GLCE: variants seen among roughly 807,000 people sequenced by gnomAD.
GLCE encodes the protein glucuronic acid epimerase, also known as D-glucuronyl C5-epimerase.
In GLCE, 19 loss-of-function variants were observed where a neutral mutation model predicts 47.9. That is an observed-to-expected ratio of 0.40 (90% CI 0.28 to 0.58). The LOEUF is 0.58. Ranked by LOEUF, GLCE falls within the 20% of genes least tolerant of loss-of-function variation. The pLI, the probability that GLCE is intolerant of heterozygous loss-of-function variation, is 0.48. For missense variants in GLCE, 556 were observed against 743.3 expected (o/e 0.75, Z 2.93); for synonymous variants, 245 against 263.4 (o/e 0.93, Z 0.68).
intron 1 of GLCE, among the ~76,000 whole-genome samples, chr15:69,173,716 T>C (rs2051620507): frequency 6.6e-6 from 1 of 152,226 alleles, no homozygotes; most frequent in Non-Finnish European, 1.5e-5. Context: ...TCATTGGTTG[T>C]AATTCCAATT....
intron 4 of GLCE, among the ~76,000 whole-genome samples, chr15:69,266,161 A>G (rs2053082913): frequency 1.3e-5 from 2 of 152,196 alleles, no homozygotes; most frequent in Non-Finnish European, 2.9e-5. Flanking sequence ...GGATGTTCTC[A>G]TTCTTGATAC....
intron 2 of GLCE, among the ~76,000 whole-genome samples, chr15:69,232,995 T>C (rs2052545929): frequency 6.6e-6 from 1 of 152,168 alleles, no homozygotes; most frequent in Non-Finnish European, 1.5e-5. Flanking sequence ...GAATACACAA[T>C]TGAGAAACAG....
intron 1 of GLCE, among the ~76,000 whole-genome samples, chr15:69,203,335 A>C (rs533678754): frequency 6.6e-6 from 1 of 152,232 alleles, no homozygotes; most frequent in South Asian, 2.1e-4. Context: ...AAACACACGC[A>C]ATGCTACAGA....
intron 4 of GLCE, among the ~76,000 whole-genome samples, chr15:69,265,370 C>T (rs191916983): frequency 6.6e-6 from 1 of 152,232 alleles, no homozygotes. Context: ...TTCCACCATC[C>T]CATTTGCTCC....
intron 2 of GLCE, among the ~76,000 whole-genome samples, chr15:69,225,085 A>G (rs2052427569): frequency 6.6e-6 from 1 of 152,238 alleles, no homozygotes; most frequent in African/African-American, 2.4e-5. Context: ...TTATGGTGCT[A>G]CATATACCCA....
At chr15:69,206,286 C>T (rs760314348) in intron 1 of GLCE, among the ~76,000 whole-genome samples, 28 of 151,992 alleles carry the variant, frequency 1.8e-4, no homozygotes, top group Non-Finnish European at 3.8e-4. Flanking sequence ...CCCTTTTCCT[C>T]ACATCTTATC....
At chr15:69,254,980 G>A (rs1005411460) in intron 2 of GLCE, among the ~76,000 whole-genome samples, 1 of 152,086 alleles carries the variant, frequency 6.6e-6, no homozygotes, top group African/African-American at 2.4e-5. Flanking sequence ...AAGAAGAGAA[G>A]AACAGCCAGT....
At chr15:69,199,897 G>C (rs1474881008) in intron 1 of GLCE, among the ~76,000 whole-genome samples, 1 of 152,116 alleles carries the variant, frequency 6.6e-6, no homozygotes. Flanking sequence ...GAATTAGTGT[G>C]CTTGAGGAAT....
chr15:69,194,168 G>A (rs763380232), intron 1 of GLCE, among the ~76,000 whole-genome samples: 10 of 152,116 alleles, frequency 6.6e-5, no homozygotes, highest in East Asian at 5.8e-4. Context: ...CATGTGGGCT[G>A]TTGCCCACTG....
At chr15:69,241,609 G>A (rs370354786) in intron 2 of GLCE, among the ~76,000 whole-genome samples, 11 of 152,286 alleles carry the variant, frequency 7.2e-5, no homozygotes, top group Admixed American at 4.6e-4. Flanking sequence ...GGCAGCATAC[G>A]TATTTCCACT....
At chr15:69,225,634 A>G (rs527260156) in intron 2 of GLCE, among the ~76,000 whole-genome samples, 5 of 152,324 alleles carry the variant, frequency 3.3e-5, no homozygotes, top group Non-Finnish European at 4.4e-5. Flanking sequence ...GTAAATTTGT[A>G]GATTTGAACT....
chr15:69,250,173 C>CA (rs2052817766), intron 2 of GLCE, among the ~76,000 whole-genome samples: 1 of 152,098 alleles, frequency 6.6e-6, no homozygotes, highest in South Asian at 2.1e-4. Context: ...GGAAGCCTCT[C>CA]ACCACTCAAA....
intron 4 of GLCE, chr15:69,266,910 C>T (rs2053095031): frequency 6.5e-6 from 1 of 152,856 alleles, no homozygotes; most frequent in Non-Finnish European, 1.5e-5. Context: ...TATAATAATT[C>T]CTGCCCTACC....
chr15:69,220,818 TTG>T (rs1193149674), intron 2 of GLCE, among the ~76,000 whole-genome samples: 3 of 152,220 alleles, frequency 2.0e-5, no homozygotes, highest in Non-Finnish European at 2.9e-5. Context: ...CTCTTGTTGC[TTG>T]TGTCTTTGAG....
In GLCE at chr15:69,219,841, T is replaced by C. The variant is rs115289343; in HGVS notation, c.-14+9435T>C. On this transcript the variant is annotated intron_variant, in intron 2 of 4. Transcript: ENST00000261858. ...CATTTCCATTACTCTTTCAATCTTG[T>C]AAACCTGAAACTCTGTACTGATTAA... Among the ~76,000 whole-genome samples, 958 of 152,252 alleles carry C rather than the reference T, an allele frequency of 6.3e-3. 10 individuals carry two copies. The highest frequency in any genetic ancestry group is 0.022 in the African/African-American group (916 of 41,568).
intron 1 of GLCE, among the ~76,000 whole-genome samples, chr15:69,186,271 A>G (rs1038995649): frequency 6.6e-6 from 1 of 152,054 alleles, no homozygotes; most frequent in African/African-American, 2.4e-5. Flanking sequence ...GGTAGATTAA[A>G]GTCCTGCTAT....
intron 2 of GLCE, among the ~76,000 whole-genome samples, chr15:69,251,682 T>G (rs17360456): frequency 0.091 from 13,813 of 152,194 alleles, 812 homozygotes; most frequent in East Asian, 0.16. Flanking sequence ...GCTTAGAAGA[T>G]TAGGTAAGTT....
intron 1 of GLCE, among the ~76,000 whole-genome samples, chr15:69,204,262 C>T (rs922651508): frequency 2.8e-5 from 4 of 141,046 alleles, no homozygotes; most frequent in East Asian, 2.1e-4. Flanking sequence ...AAGTTAGAAA[C>T]AAATGATTGT....
intron 2 of GLCE, among the ~76,000 whole-genome samples, chr15:69,249,568 C>T (rs187075429): frequency 6.6e-6 from 1 of 152,024 alleles, no homozygotes; most frequent in East Asian, 1.9e-4. Context: ...TTATAGGAAA[C>T]ATAAATAGAT....
Sources: gnomAD v4.1 joint callset for allele counts (sites outside exome capture counted in the v4.1 genomes callset) on GRCh38, gnomAD v4.1.1 for gene constraint, MANE v1.5 for transcripts, NCBI Gene and HGNC (gene_info 2026-07-23, HGNC 2026-07-21) for gene names.